Variants in CPVL observed in about 807,000 individuals in gnomAD.
The protein encoded by CPVL is probable serine carboxypeptidase CPVL.
CPVL carries 51 observed loss-of-function variants against 63.7 expected under a neutral mutation model. That is an observed-to-expected ratio of 0.80 (90% CI 0.64 to 1.01). CPVL has a LOEUF of 1.01. Among genes scored for constraint, CPVL ranks in the 50% least tolerant of loss-of-function variants. The probability of loss-of-function intolerance (pLI) is 0.00; values close to 1 mark genes in which losing one functional copy is unlikely to be tolerated. For synonymous variants in CPVL, 195 were observed against 206.0 expected (o/e 0.95, Z 0.46); for missense variants, 530 against 573.1 (o/e 0.92, Z 0.77).
chr7:29,168,375 A>G lies in CPVL; in HGVS notation c.-11+12915T>C, dbSNP rs150742273. Among the ~76,000 whole-genome samples the G allele has an allele frequency of 2.9e-4, 44 of 152,306 alleles. 2 individuals carry two copies. Among genetic ancestry groups the G allele is most frequent in the African/African-American group, 1.1e-3 (44 of 41,568 alleles). On this transcript the variant is annotated intron_variant, in intron 5 of 16. Transcript: ENST00000409850. ...TTTTCTTTTAATGGTTCTTAAATAA[A>G]ACTTTTTATCTTAGAAAATTTCAAG...
intron 12 of CPVL, among the ~76,000 whole-genome samples, chr7:29,017,057 T>G (rs544675011): frequency 6.6e-6 from 1 of 152,328 alleles, no homozygotes; most frequent in Non-Finnish European, 1.5e-5. Flanking sequence ...GCTTAAACAA[T>G]GGAACACACA....
intron 5 of CPVL, among the ~76,000 whole-genome samples, chr7:29,171,365 C>A (rs936026572): frequency 2.0e-5 from 3 of 152,104 alleles, no homozygotes; most frequent in African/African-American, 7.2e-5. Context: ...GGATACAAAC[C>A]AACATAATAC....
At chr7:29,139,129 C>G (rs568883264) in intron 1 of CPVL, among the ~76,000 whole-genome samples, 1 of 152,142 alleles carries the variant, frequency 6.6e-6, no homozygotes. Flanking sequence ...AGGATGGCTG[C>G]GGGCTCCCTA....
At chr7:29,146,572 C>T (rs1449742490), upstream of CPVL, 11 of 1,547,660 alleles carry the variant, frequency 7.1e-6, no homozygotes, top group South Asian at 3.6e-5. Context: ...TTAAGCGCTC[C>T]TCTAGGCTCA....
intron 5 of CPVL, among the ~76,000 whole-genome samples, chr7:29,169,351 T>C (rs1198547761): frequency 6.6e-6 from 1 of 152,204 alleles, no homozygotes; most frequent in Non-Finnish European, 1.5e-5. Flanking sequence ...ATGTACAGTG[T>C]GCTCTTTTAG....
chr7:29,071,049 G>A (rs1244443449), intron 9 of CPVL, among the ~76,000 whole-genome samples: 10 of 151,784 alleles, frequency 6.6e-5, no homozygotes, highest in African/African-American at 2.4e-4. Flanking sequence ...TAGTAAATAC[G>A]GCAAAAAGCC....
At position 29,042,519 on chromosome 7, in the gene CPVL, C is replaced by G. The variant is rs558177669; in HGVS notation, c.1138-11760G>C. Among the ~76,000 whole-genome samples, 9 of 152,154 alleles carry G rather than the reference C, an allele frequency of 5.9e-5. No individual in the cohort carries two copies. The South Asian group carries it at 1.2e-3, about 21-fold the overall frequency. On this transcript the variant is annotated intron_variant, in intron 11 of 12. Transcript: ENST00000265394. The stretch of plus-strand genomic sequence containing the variant: ...ACTTGGGAGGCTGAGGTGAGAGGGT[C>G]TTTTGAACCCAGGAGGTTGAGGTTG...
intron 11 of CPVL, among the ~76,000 whole-genome samples, chr7:29,045,119 C>T (rs182214217): frequency 9.9e-5 from 15 of 152,170 alleles, no homozygotes; most frequent in African/African-American, 3.1e-4. Context: ...AAAATACAAA[C>T]ACACACGGGT....
chr7:29,155,178 C>T (rs1464028070), intron 5 of CPVL, among the ~76,000 whole-genome samples: 1 of 151,928 alleles, frequency 6.6e-6, no homozygotes, highest in African/African-American at 2.4e-5. Context: ...ACAGCCAAAC[C>T]ATATCACTCC....
At chr7:29,031,239 T>G (rs1253922924) in intron 11 of CPVL, among the ~76,000 whole-genome samples, 2 of 152,334 alleles carry the variant, frequency 1.3e-5, no homozygotes, top group South Asian at 2.1e-4. Context: ...AAGTATAATT[T>G]TTTTGCAGCA....
intron 3 of CPVL, among the ~76,000 whole-genome samples, chr7:29,105,169 T>C (rs534709530): frequency 8.4e-4 from 128 of 152,306 alleles, no homozygotes; most frequent in African/African-American, 3.0e-3. Context: ...GTCCAGTCCA[T>C]GTCCCCTTCT....
chr7:29,064,317 T>C, intron 10 of CPVL, 83 bp from the exon 11 acceptor site: 2 of 762,712 alleles, frequency 2.6e-6, no homozygotes, highest in South Asian at 3.5e-5. Context: ...GAATTTCTCA[T>C]AACATACAAC....
At chr7:29,146,271 C>T (rs1792613196) in intron 1 of CPVL, 158 bp downstream of exon 1, 1 of 268,732 alleles carries the variant, frequency 3.7e-6, no homozygotes. Context: ...GACTCGGCCA[C>T]GACCACCCCA....
intron 5 of CPVL, among the ~76,000 whole-genome samples, chr7:29,156,125 T>G (rs1235611414): frequency 1.3e-5 from 2 of 152,228 alleles, no homozygotes; most frequent in African/African-American, 4.8e-5. Context: ...CAGAGAAAAC[T>G]GGAAAACCAT....
chr7:29,123,664 TA>T (rs1308582698), intron 1 of CPVL, among the ~76,000 whole-genome samples: 17 of 102,232 alleles, frequency 1.7e-4, no homozygotes, highest in East Asian at 2.9e-4. Flanking sequence ...TATGCAATAT[TA>T]AAAAAAAATA....
chr7:29,165,348 CA>C, intron 5 of CPVL, among the ~76,000 whole-genome samples: 1 of 152,158 alleles, frequency 6.6e-6, no homozygotes, highest in Non-Finnish European at 1.5e-5. Flanking sequence ...TGTATAGAAA[CA>C]AAATTGATTT....
intron 3 of CPVL, among the ~76,000 whole-genome samples, chr7:29,106,360 G>A (rs538093690): frequency 6.6e-6 from 1 of 152,182 alleles, no homozygotes; most frequent in South Asian, 2.1e-4. Flanking sequence ...GAGGGCCACA[G>A]CCAGGTGATC....
intron 11 of CPVL, among the ~76,000 whole-genome samples, chr7:29,053,125 G>C (rs1293746415): frequency 2.6e-5 from 4 of 152,150 alleles, no homozygotes; most frequent in African/African-American, 9.7e-5. Flanking sequence ...AAATCACTAG[G>C]ATGGCTAGAA....
At chr7:29,092,593 G>C in intron 6 of CPVL, 30 bp downstream of exon 6, 1 of 1,522,976 alleles carries the variant, frequency 6.6e-7, no homozygotes, top group South Asian at 1.1e-5. Context: ...TTGGTCTTAG[G>C]AAAGCCAAGA....
Sources: gnomAD v4.1 joint callset for allele counts (sites outside exome capture counted in the v4.1 genomes callset) on GRCh38, gnomAD v4.1.1 for gene constraint, MANE v1.5 for transcripts, NCBI Gene and HGNC (gene_info 2026-07-23, HGNC 2026-07-21) for gene names.